The following ZNF469 variants were observed in gnomAD, a reference collection of about 807,000 sequenced individuals.
ZNF469 encodes zinc finger protein 469.
ZNF469 carries 1 observed loss-of-function variant against 1.0 expected under a neutral mutation model. The observed-to-expected ratio is 1.00, with a 90% CI of 0.35 to 4.73. The LOEUF (loss-of-function observed/expected upper bound fraction) is 4.73. Among genes scored for constraint, ZNF469 ranks in the 30% most tolerant of loss-of-function variants. The probability of loss-of-function intolerance (pLI) is 0.16; values close to 1 mark genes in which losing one functional copy is unlikely to be tolerated. For synonymous variants in ZNF469, 2,703 were observed against 2,363.4 expected (o/e 1.14, Z -4.17); for missense variants, 6,100 against 5,356.3 (o/e 1.14, Z -4.33).
At chr16:88,266,466 T>A in the ZNF469 span, among the ~76,000 whole-genome samples, 3 of 152,228 alleles carry the variant, frequency 2.0e-5, no homozygotes, top group Non-Finnish European at 4.4e-5. Context: ...GTCTCACGGT[T>A]GCTGGGGTAT....
At chr16:88,156,413 G>C in the ZNF469 span, among the ~76,000 whole-genome samples, 2 of 152,146 alleles carry the variant, frequency 1.3e-5, no homozygotes, top group Admixed American at 1.3e-4. Context: ...TCTGTGTATG[G>C]TGTGAGGTAG....
At chr16:88,210,477 C>T in the ZNF469 span, among the ~76,000 whole-genome samples, 2 of 152,188 alleles carry the variant, frequency 1.3e-5, no homozygotes, top group Non-Finnish European at 2.9e-5. Flanking sequence ...CAAATATACC[C>T]ATCTTCTCTT....
chr16:88,132,027 G>A, the ZNF469 span, among the ~76,000 whole-genome samples: 4 of 152,342 alleles, frequency 2.6e-5, no homozygotes, highest in African/African-American at 2.4e-5. Flanking sequence ...GGCAGCGGCA[G>A]GACGGCACTC....
the ZNF469 span, among the ~76,000 whole-genome samples, chr16:88,148,271 G>A: frequency 6.6e-6 from 1 of 152,246 alleles, no homozygotes; most frequent in East Asian, 1.9e-4. Flanking sequence ...TCGGGGCCTC[G>A]TTCCCAGCTC....
the ZNF469 span, among the ~76,000 whole-genome samples, chr16:88,337,340 C>T: frequency 6.6e-6 from 1 of 152,218 alleles, no homozygotes. Context: ...CCTGCACAAG[C>T]TCTCTCTTGC....
At chr16:88,213,536 C>G in the ZNF469 span, among the ~76,000 whole-genome samples, 1 of 152,192 alleles carries the variant, frequency 6.6e-6, no homozygotes, top group Non-Finnish European at 1.5e-5. Flanking sequence ...AAAAAGTCTT[C>G]GGGGTGAGCA....
the ZNF469 span, among the ~76,000 whole-genome samples, chr16:88,121,700 A>G: frequency 1.3e-5 from 2 of 152,228 alleles, no homozygotes; most frequent in East Asian, 3.8e-4. Context: ...GTGACTTTTA[A>G]GCCCTGCCTT....
At chr16:88,161,593 G>T in the ZNF469 span, among the ~76,000 whole-genome samples, 1 of 152,164 alleles carries the variant, frequency 6.6e-6, no homozygotes, top group Non-Finnish European at 1.5e-5. Context: ...GGCTCACGAG[G>T]GTATCGAAAC....
chr16:88,237,850 C>G, the ZNF469 span, among the ~76,000 whole-genome samples: 1 of 151,828 alleles, frequency 6.6e-6, no homozygotes, highest in South Asian at 2.1e-4. Context: ...CTGCCCAGCC[C>G]CGGCAGCTGC....
upstream of ZNF469, among the ~76,000 whole-genome samples, chr16:88,380,154 T>C (rs1454074069): frequency 8.7e-6 from 1 of 114,542 alleles, no homozygotes; most frequent in Non-Finnish European, 1.7e-5. Context: ...CACACACAAA[T>C]GCACTCACAG....
the ZNF469 span, among the ~76,000 whole-genome samples, chr16:88,255,590 T>G: frequency 6.6e-6 from 1 of 152,230 alleles, no homozygotes; most frequent in African/African-American, 2.4e-5. Flanking sequence ...CTTATAAACC[T>G]ACACTGACAC....
At chr16:88,373,905 G>A in the ZNF469 span, among the ~76,000 whole-genome samples, 1 of 152,092 alleles carries the variant, frequency 6.6e-6, no homozygotes, top group Non-Finnish European at 1.5e-5. Context: ...GCTGAGGCAG[G>A]ATAATCGCTT....
At chr16:88,318,770 G>A in the ZNF469 span, among the ~76,000 whole-genome samples, 4 of 152,258 alleles carry the variant, frequency 2.6e-5, no homozygotes, top group African/African-American at 7.2e-5. Flanking sequence ...GAAAGCATGC[G>A]AGGGAGGGAG....
chr16:88,238,085 C>G, the ZNF469 span, among the ~76,000 whole-genome samples: 1 of 152,238 alleles, frequency 6.6e-6, no homozygotes, highest in Non-Finnish European at 1.5e-5. Context: ...TTGGTTTCTC[C>G]TAAGTTTCTG....
chr16:88,432,913 C>T lies in ZNF469; in HGVS notation c.5443C>T (p.Pro1815Ser). 1 of 1,550,392 alleles carries T rather than the reference C, an allele frequency of 6.4e-7. No individual in the cohort carries two copies. The highest frequency in any genetic ancestry group is 8.7e-7 in the Non-Finnish European group (1 of 1,146,982). ...PDLAFQGDGA[P>S]PLDATWPFGA... is the part of the protein sequence containing the mutation. ...CTTGGCATTTCAGGGTGACGGGGCT[C>T]CACCTCTGGATGCCACCTGGCCTTT... The change falls in exon 3 of 3, where the codon CCA (proline) becomes TCA (serine). Residue 1815 changes from proline to serine, a missense_variant. Physicochemically the swap from Pro to Ser is moderately conservative, Grantham distance 74. Transcript: ENST00000565624.
the ZNF469 span, among the ~76,000 whole-genome samples, chr16:88,335,693 G>C: frequency 6.6e-6 from 1 of 152,206 alleles, no homozygotes; most frequent in Non-Finnish European, 1.5e-5. Flanking sequence ...GATAAGCATC[G>C]AATCAATGAA....
chr16:88,427,908 G>A lies in ZNF469; in HGVS notation c.438G>A (p.Gln146=). 6.5e-7 allele frequency: 1 copy of A among 1,549,846 alleles called. No homozygotes were observed. Among genetic ancestry groups the A allele is most frequent in the Non-Finnish European group, 8.7e-7 (1 of 1,146,836 alleles). Residue 146 remains glutamine, a synonymous_variant, in exon 3 of 3, where the codon CAG becomes CAA. Coordinates refer to ENST00000565624, the MANE Select transcript of ZNF469 (RefSeq NM_001367624.2). ...TPENPQLEAA[Q]LPEVDTPQGP... is the part of the protein sequence containing the mutation. ...AGAACCCACAGCTGGAGGCTGCCCA[G>A]CTCCCTGAGGTGGACACCCCCCAGG...
chr16:88,391,987 A>G (rs1904504048), intron 1 of ZNF469, among the ~76,000 whole-genome samples: 1 of 152,238 alleles, frequency 6.6e-6, no homozygotes, highest in East Asian at 1.9e-4. Flanking sequence ...ATGATACGGT[A>G]TCCTATTATG....
the ZNF469 span, among the ~76,000 whole-genome samples, chr16:88,282,587 TG>T: frequency 2.0e-5 from 3 of 152,112 alleles, 1 homozygote; most frequent in Non-Finnish European, 2.9e-5. Context: ...GTATAAGAGC[TG>T]GGGGATGTCG....
Sources: allele counts gnomAD v4.1 joint callset (sites outside exome capture counted in the v4.1 genomes callset), GRCh38; gene constraint gnomAD v4.1.1; transcripts MANE v1.5; gene names NCBI Gene and HGNC (gene_info 2026-07-23, HGNC 2026-07-21).